The following TASOR2 variants were observed in gnomAD, a reference collection of about 807,000 sequenced individuals.
The protein encoded by TASOR2 is protein TASOR 2.
A neutral mutation model predicts 199.5 loss-of-function variants in TASOR2; 84 were observed. The ratio of observed to expected loss-of-function variants is 0.42; its 90% CI spans 0.35 to 0.50. The LOEUF is 0.50. Among genes scored for constraint, TASOR2 ranks in the 20% least tolerant of loss-of-function variants. The pLI, the probability that TASOR2 is intolerant of heterozygous loss-of-function variation, is 0.02. For missense variants in TASOR2, 2,796 were observed against 2,835.9 expected, an observed-to-expected ratio of 0.99 and a Z score of 0.32; for synonymous variants, 1,103 against 1,046.6, an observed-to-expected ratio of 1.05 and a Z score of -1.04.
chr10:5,693,116 G>A (rs1042858794), intron 1 of TASOR2, among the ~76,000 whole-genome samples: 2 of 152,202 alleles, frequency 1.3e-5, no homozygotes, highest in African/African-American at 4.8e-5. Flanking sequence ...CTTTGGCAGG[G>A]TCAGTGAGGC....
At position 5,730,986 on chromosome 10, in the gene TASOR2, G is replaced by T; in HGVS notation, c.987G>T (p.Met329Ile). The T allele has an allele frequency of 6.2e-7, 1 of 1,614,070 alleles. No homozygotes were observed. Among genetic ancestry groups the T allele is most frequent in the African/African-American group, 1.3e-5 (1 of 75,010 alleles). The change falls in exon 11 of 21, where the codon ATG becomes ATT. Residue 329 changes from methionine to isoleucine, a missense_variant. Physicochemically the swap from Met to Ile is conservative, Grantham distance 10 (BLOSUM62 1). Transcript: ENST00000328090. This position sits in a 1 kb window ranked among gnomAD's most constrained non-coding sequence, Gnocchi z 4.1. ...AAACAAAAAAGGATTCTGAAGAAAT[G>T]TTGAAAGCAAAGAAGAGAGTTTTTC...
Position 5,746,488 on chromosome 10 carries a change from C to T in TASOR2, c.3067C>T (p.His1023Tyr), listed in dbSNP as rs746948915. 5 of 1,613,946 alleles carry T rather than the reference C, an allele frequency of 3.1e-6. No homozygotes were observed. The African/African-American group carries it at 5.3e-5, about 17-fold the overall frequency. The stretch of plus-strand genomic sequence containing the variant: ...AGGTACTTTACAGGACCTTATCCAA[C>T]ATGGCAGCCCCATAAACAATGAATG... The change falls in exon 15 of 21, where the codon CAT becomes TAT. Residue 1023 changes from histidine to tyrosine, a missense_variant. Physicochemically the swap from His to Tyr is moderately conservative, Grantham distance 83. This residue lies in a region of TASOR2 where 1,941 missense variants were observed against 1,924.9 expected (regional missense o/e 1.01). Coordinates refer to ENST00000328090, the Ensembl canonical transcript of TASOR2.
rs781402915 is a variant in TASOR2 at position 5,746,900 on chromosome 10, A to G, written c.3479A>G (p.Glu1160Gly). The G allele has an allele frequency of 3.1e-6, 5 of 1,614,204 alleles. No homozygotes were observed. In the Admixed American group the frequency reaches 8.3e-5, roughly 27 times the overall value. The change falls in exon 15 of 21, where the codon GAG (glutamate) becomes GGG (glycine). Residue 1160 changes from glutamate to glycine, a missense_variant. Coordinates refer to ENST00000328090, the Ensembl canonical transcript of TASOR2. ...CCATCTGATAAAACAATGGTCATGG[A>G]GGCACTATCATTAGCTAAAAGTTCT... is the stretch of plus-strand genomic sequence containing the variant.
intron 1 of TASOR2, chr10:5,709,789 C>T (rs1831676396): frequency 3.6e-6 from 3 of 843,306 alleles, no homozygotes; most frequent in East Asian, 6.9e-5. Context: ...ATTTCCAGTA[C>T]CTATATTTTT....
exon 21 of TASOR2, chr10:5,763,257 ATTAT>A (rs1476664907): frequency 2.3e-6 from 1 of 428,816 alleles, no homozygotes; most frequent in African/African-American, 2.1e-5. Context: ...ATTGTTTTAA[ATTAT>A]TTTCATTTTA....
chr10:5,726,031 G>A (rs1261803460), intron 8 of TASOR2, among the ~76,000 whole-genome samples: 4 of 152,050 alleles, frequency 2.6e-5, no homozygotes, highest in Non-Finnish European at 5.9e-5. Context: ...ATTTATATTT[G>A]TAGCCTTATC....
Position 5,748,544 on chromosome 10 carries a change from C to T in TASOR2, c.5123C>T (p.Thr1708Ile). 6.2e-7 allele frequency: 1 copy of T among 1,613,438 alleles called. No individual in the cohort carries two copies. The highest frequency in any genetic ancestry group is 8.5e-7 in the Non-Finnish European group (1 of 1,180,038). ...GAAGCTGAGTTACATAAAGAAACCA[C>T]AGGTCCAGGCACTGCTGGCCCTCAG... The change falls in exon 15 of 21, where the codon ACA becomes ATA. Residue 1708 changes from threonine to isoleucine, a missense_variant. Around this residue, in one of 3 missense-constraint regions of TASOR2, gnomAD observed 1,941 missense variants for 1,924.9 expected, o/e 1.01. Transcript: ENST00000328090. This position sits in a 1 kb window ranked among gnomAD's most constrained non-coding sequence, Gnocchi z 5.1.
Position 5,740,466 on chromosome 10 carries a change from C to G in TASOR2, c.2296C>G (p.Leu766Val). The change falls in exon 13 of 21, where the codon CTG becomes GTG. Residue 766 changes from leucine (L) to valine (V), a missense_variant. This residue lies in a region of TASOR2 where 847 missense variants were observed against 887.4 expected (regional missense o/e 0.95). Transcript: ENST00000328090. The surrounding 1 kb of genome is among the most constrained non-coding windows in gnomAD (Gnocchi z 5.3). ...AGACAGCAAATATACCAACAACCCA[C>G]TGGAGAAAACTGTAGTAAGAGCATT... The G allele has an allele frequency of 1.2e-6, 2 of 1,613,046 alleles. No homozygotes were observed. Among genetic ancestry groups the G allele is most frequent in the Non-Finnish European group, 1.7e-6 (2 of 1,180,036 alleles).
At chr10:5,762,341 C>T (rs1839982082) in intron 19 of TASOR2, among the ~76,000 whole-genome samples, 191 bp from the exon 21 acceptor site, 2 of 151,278 alleles carry the variant, frequency 1.3e-5, no homozygotes, top group South Asian at 4.2e-4. Context: ...GTACTTTAAC[C>T]ACCACCCCCG....
At chr10:5,700,133 C>G (rs758089966) in intron 1 of TASOR2, among the ~76,000 whole-genome samples, 32 of 152,114 alleles carry the variant, frequency 2.1e-4, no homozygotes, top group Non-Finnish European at 3.8e-4. Context: ...CAAATCTACT[C>G]TCTATTTTCA....
chr10:5,739,984 G>C, exon 13 of TASOR2: 1 of 1,614,090 alleles, frequency 6.2e-7, no homozygotes, highest in Non-Finnish European at 8.5e-7. Flanking sequence ...GATAGGAAGA[G>C]TAATTCTGGA....
Position 5,742,302 on chromosome 10 carries a change from G to C in TASOR2, c.2533G>C (p.Glu845Gln). 1 of 1,614,148 alleles carries C rather than the reference G, an allele frequency of 6.2e-7. No homozygotes were observed. The highest frequency in any genetic ancestry group is 8.5e-7 in the Non-Finnish European group (1 of 1,180,008). ...TGAAATTGAGGAGTCCCTTGGTTTG[G>C]AAAAATGTTCTGCAGACTCTCTGTT... Residue 845 changes from glutamate to glutamine, a missense_variant, in exon 14 of 21, where the codon GAA (glutamate) becomes CAA (glutamine). Physicochemically the swap from Glu to Gln is conservative, Grantham distance 29 (BLOSUM62 2). Coordinates refer to ENST00000328090, the Ensembl canonical transcript of TASOR2. This position sits in a 1 kb window ranked among gnomAD's most constrained non-coding sequence, Gnocchi z 4.2.
rs1840081345 is a variant in TASOR2 at position 5,762,743 on chromosome 10, GTTTACATACTTCATGCTATAAA to G, written c.7289+102_7289+123del. On this transcript the variant is annotated intron_variant, in intron 20 of 20. Transcript: ENST00000328090. ...TAAGGGAAACAGTTGGGAAACTGTT[GTTTACATACTTCATGCTATAAA>G]TTTAAAGTGTTTGTTTAGGGGTGGA... The G allele has an allele frequency of 4.1e-6, 3 of 732,522 alleles. No homozygotes were observed. In the African/African-American group the frequency reaches 5.5e-5, roughly 14 times the overall value. The allele number at this position is 732,522 out of a possible 1,614,324, so 45.4% of individuals were successfully genotyped here.
chr10:5,724,240 G>A (rs916224024), intron 7 of TASOR2, among the ~76,000 whole-genome samples, 190 bp from the exon 9 acceptor site: 1 of 152,072 alleles, frequency 6.6e-6, no homozygotes, highest in Non-Finnish European at 1.5e-5. Flanking sequence ...ATAAATAAGA[G>A]CATTGTTTTA....
At chr10:5,702,876 A>G (rs886902884) in intron 1 of TASOR2, among the ~76,000 whole-genome samples, 2 of 152,194 alleles carry the variant, frequency 1.3e-5, no homozygotes, top group African/African-American at 4.8e-5. Flanking sequence ...AAAAATTTCA[A>G]CTGGCAAAAG....
Position 5,747,853 on chromosome 10 carries a change from G to T in TASOR2, c.4432G>T (p.Glu1478Ter), listed in dbSNP as rs374256262. 1 of 1,613,776 alleles carries T rather than the reference G, an allele frequency of 6.2e-7. No individual in the cohort carries two copies. Residue 1478 changes from glutamate (E) to a stop codon, truncating the protein, a stop_gained, in exon 15 of 21, where the codon GAA becomes TAA. Transcript: ENST00000328090. LOFTEE classifies it high-confidence loss of function. Reference sequence around the variant, plus strand: ...GGTACAACAAATGCAGGTCTCTGCCGAAATGCCTCTAATATTAACTGATCA... The same window carrying T: ...GGTACAACAAATGCAGGTCTCTGCCTAAATGCCTCTAATATTAACTGATCA...
chr10:5,703,312 T>C (rs1838129929), intron 1 of TASOR2, among the ~76,000 whole-genome samples: 2 of 152,292 alleles, frequency 1.3e-5, no homozygotes, highest in East Asian at 3.9e-4. Context: ...CTATGAATTC[T>C]CTTTTTAGTC....
chr10:5,756,770 T>G, intron 16 of TASOR2, 32 bp downstream of exon 17: 1 of 1,603,608 alleles, frequency 6.2e-7, no homozygotes, highest in Admixed American at 1.7e-5. Flanking sequence ...AAGAAACGTA[T>G]TCCAGGCACA....
rs201520014 is a variant in TASOR2 at position 5,762,384 on chromosome 10, T to C, written c.7175-148T>C. On this transcript the variant is annotated intron_variant, in intron 19 of 20. Transcript: ENST00000328090. The stretch of plus-strand genomic sequence containing the variant: ...CATCTATTTCCAAAGCTTCAAATCT[T>C]TTCTTAATTTGGAACCCAACACCTT... The C allele has an allele frequency of 7.8e-5, 29 of 372,474 alleles. No homozygotes were observed. In the East Asian group the frequency reaches 1.2e-3, roughly 15 times the overall value. The allele number at this position is 372,474 out of a possible 1,614,324, so 23.1% of individuals were successfully genotyped here. A position where few individuals can be genotyped will look rare whatever the true frequency, so the allele number is the denominator to read the frequency against.
Sources: allele counts gnomAD v4.1 joint callset (sites outside exome capture counted in the v4.1 genomes callset), GRCh38; gene constraint gnomAD v4.1.1; regional missense constraint gnomAD v4.1.1; non-coding constraint Gnocchi (gnomAD v3.1); transcripts MANE v1.5; gene names NCBI Gene and HGNC (gene_info 2026-07-23, HGNC 2026-07-21).